BRINP1: variants seen among roughly 807,000 people sequenced by gnomAD.
The protein encoded by BRINP1 is BMP/retinoic acid-inducible neural-specific protein 1.
BRINP1 carries 17 observed loss-of-function variants against 72.9 expected under a neutral mutation model. The observed-to-expected ratio is 0.23, with a 90% CI of 0.16 to 0.35. The LOEUF (loss-of-function observed/expected upper bound fraction) is 0.35, where lower values mean the gene tolerates loss of function less well. BRINP1 is among the 10% of genes least tolerant of loss of function. BRINP1 has a pLI of 1.00. For synonymous variants in BRINP1, 418 were observed against 378.5 expected (o/e 1.10, Z -1.21); for missense variants, 850 against 1,001.6 (o/e 0.85, Z 2.04).
intron 2 of BRINP1, among the ~76,000 whole-genome samples, chr9:119,312,200 T>A (rs915092916): frequency 6.6e-6 from 1 of 152,206 alleles, no homozygotes; most frequent in Admixed American, 6.5e-5. Context: ...GACACCACCA[T>A]GTGATATTAT....
At chr9:119,268,267 G>GATAA (rs149767417) in intron 2 of BRINP1, among the ~76,000 whole-genome samples, 1 of 143,924 alleles carries the variant, frequency 6.9e-6, no homozygotes. Flanking sequence ...TAGATAGATA[G>GATAA]ATAGATAGAT....
chr9:119,319,777 TC>T (rs1360150660), intron 1 of BRINP1, among the ~76,000 whole-genome samples: 2 of 152,186 alleles, frequency 1.3e-5, no homozygotes, highest in Non-Finnish European at 2.9e-5. Flanking sequence ...TTTCTTAAGC[TC>T]ACAATTCCCA....
intron 2 of BRINP1, among the ~76,000 whole-genome samples, chr9:119,281,353 A>T (rs1830709571): frequency 7.0e-6 from 1 of 142,476 alleles, no homozygotes; most frequent in African/African-American, 2.6e-5. Flanking sequence ...CCAGGAAACC[A>T]GTTCTCTTCT....
chr9:119,287,719 G>A (rs1171248492), intron 2 of BRINP1, among the ~76,000 whole-genome samples: 1 of 152,188 alleles, frequency 6.6e-6, no homozygotes, highest in Non-Finnish European at 1.5e-5. Context: ...CCCTCACACA[G>A]ATCCAGCCCA....
intron 7 of BRINP1, among the ~76,000 whole-genome samples, chr9:119,170,171 T>C (rs1157274283): frequency 6.6e-6 from 1 of 151,904 alleles, no homozygotes; most frequent in East Asian, 1.9e-4. Flanking sequence ...CTTCAGACGA[T>C]CAAATTACTC....
chr9:119,340,865 G>A (rs145767079), intron 1 of BRINP1, among the ~76,000 whole-genome samples: 4 of 152,118 alleles, frequency 2.6e-5, no homozygotes, highest in Non-Finnish European at 4.4e-5. Context: ...GGTAAGAATC[G>A]TATGAAGGTC....
chr9:119,195,640 A>T (rs1243210245), intron 7 of BRINP1, among the ~76,000 whole-genome samples: 1 of 152,202 alleles, frequency 6.6e-6, no homozygotes, highest in Non-Finnish European at 1.5e-5. Context: ...TTATACCAGA[A>T]ATGGAGCACC....
At chr9:119,208,583 T>C (rs1237256253) in intron 7 of BRINP1, 136 bp downstream of exon 7, 1 of 763,116 alleles carries the variant, frequency 1.3e-6, no homozygotes, top group Non-Finnish European at 2.2e-6. Flanking sequence ...TCCAGAAAAT[T>C]GTTGGTCTGG....
intron 1 of BRINP1, among the ~76,000 whole-genome samples, chr9:119,359,814 C>T (rs542658912): frequency 6.6e-6 from 1 of 152,332 alleles, no homozygotes; most frequent in African/African-American, 2.4e-5. Flanking sequence ...AGGATATCTA[C>T]ATCAAATATC....
chr9:119,281,813 G>A (rs1830715786), intron 2 of BRINP1, among the ~76,000 whole-genome samples: 1 of 152,090 alleles, frequency 6.6e-6, no homozygotes, highest in African/African-American at 2.4e-5. Flanking sequence ...TTTTTTTCCA[G>A]ATCAGTACAC....
chr9:119,323,450 C>T (rs933418249), intron 1 of BRINP1, among the ~76,000 whole-genome samples: 22 of 152,134 alleles, frequency 1.4e-4, no homozygotes, highest in African/African-American at 5.3e-4. Flanking sequence ...GCTTTCAATC[C>T]TGACCCAGAG....
At chr9:119,346,701 C>G (rs1474739591) in intron 1 of BRINP1, among the ~76,000 whole-genome samples, 2 of 152,124 alleles carry the variant, frequency 1.3e-5, no homozygotes, top group Non-Finnish European at 2.9e-5. Context: ...CAGTGACATT[C>G]ACAAAATTAA....
At chr9:119,322,071 C>A (rs1188772789) in intron 1 of BRINP1, among the ~76,000 whole-genome samples, 1 of 152,222 alleles carries the variant, frequency 6.6e-6, no homozygotes, top group Non-Finnish European at 1.5e-5. Context: ...ACAATAAATA[C>A]ACCGGAAATA....
chr9:119,308,329 T>C (rs1041358820), intron 2 of BRINP1, among the ~76,000 whole-genome samples: 2 of 152,338 alleles, frequency 1.3e-5, no homozygotes, highest in Admixed American at 1.3e-4. Context: ...AATCAAAAGC[T>C]GAAGGCTTCT....
At chr9:119,316,914 A>G (rs937115540) in intron 1 of BRINP1, among the ~76,000 whole-genome samples, 2 of 148,956 alleles carry the variant, frequency 1.3e-5, no homozygotes, top group Non-Finnish European at 2.9e-5. Context: ...AATATGATGA[A>G]ACCCCGCCTC....
At chr9:119,305,152 A>T (rs927853070) in intron 2 of BRINP1, among the ~76,000 whole-genome samples, 1 of 152,250 alleles carries the variant, frequency 6.6e-6, no homozygotes, top group South Asian at 2.1e-4. Context: ...AGAATAGAAG[A>T]TATCTTGATA....
At chr9:119,288,821 C>T (rs545011427) in intron 2 of BRINP1, among the ~76,000 whole-genome samples, 2 of 151,724 alleles carry the variant, frequency 1.3e-5, no homozygotes, top group Admixed American at 1.3e-4. Context: ...GATGGAGTTT[C>T]ACTCTTGTTG....
At chr9:119,324,483 A>G (rs2119006419) in intron 1 of BRINP1, among the ~76,000 whole-genome samples, 1 of 152,346 alleles carries the variant, frequency 6.6e-6, no homozygotes, top group Non-Finnish European at 1.5e-5. Flanking sequence ...TTAATTGGCA[A>G]TAATGAAAAT....
chr9:119,256,298 A>C (rs1830447776), intron 2 of BRINP1, among the ~76,000 whole-genome samples: 1 of 152,194 alleles, frequency 6.6e-6, no homozygotes, highest in African/African-American at 2.4e-5. Context: ...GCTACATTGG[A>C]AAGCTGGGTG....
Sources: allele counts gnomAD v4.1 joint callset (sites outside exome capture counted in the v4.1 genomes callset), GRCh38; gene constraint gnomAD v4.1.1; transcripts MANE v1.5; gene names NCBI Gene and HGNC (gene_info 2026-07-23, HGNC 2026-07-21).